The following GALNT17 variants were observed in gnomAD, a reference collection of about 807,000 sequenced individuals.
GALNT17 encodes the protein polypeptide N-acetylgalactosaminyltransferase 17.
GALNT17 carries 29 observed loss-of-function variants against 63.7 expected under a neutral mutation model. The observed-to-expected ratio is 0.46, with a 90% CI of 0.34 to 0.62. GALNT17 has a LOEUF of 0.62. Ranked by LOEUF, GALNT17 falls within the 20% of genes least tolerant of loss-of-function variation. The probability of loss-of-function intolerance (pLI) is 0.01; values close to 1 mark genes in which losing one functional copy is unlikely to be tolerated. For synonymous variants in GALNT17, 305 were observed against 318.3 expected (o/e 0.96, Z 0.45); for missense variants, 603 against 799.6 (o/e 0.75, Z 2.97).
At chr7:71,627,588 C>T (rs1387719349) in intron 6 of GALNT17, among the ~76,000 whole-genome samples, 1 of 152,156 alleles carries the variant, frequency 6.6e-6, no homozygotes, top group Non-Finnish European at 1.5e-5. Context: ...ACGGCCTCCC[C>T]CTCCTTTTCA....
intron 5 of GALNT17, among the ~76,000 whole-genome samples, chr7:71,487,829 C>T (rs543104477): frequency 7.2e-5 from 11 of 152,172 alleles, no homozygotes; most frequent in African/African-American, 2.6e-4. Context: ...CAGGTACTGG[C>T]CTAGTTGTGA....
chr7:71,534,853 C>A (rs1356763711), intron 5 of GALNT17, among the ~76,000 whole-genome samples: 2 of 152,162 alleles, frequency 1.3e-5, no homozygotes, highest in Non-Finnish European at 2.9e-5. Flanking sequence ...TTGACTCTCA[C>A]AATCTCAGGC....
At chr7:71,538,388 C>A (rs182271272) in intron 5 of GALNT17, among the ~76,000 whole-genome samples, 2 of 152,258 alleles carry the variant, frequency 1.3e-5, no homozygotes, top group African/African-American at 4.8e-5. Flanking sequence ...CGCAACATCA[C>A]CCCCTGCACT....
chr7:71,531,054 T>C (rs556435484), intron 5 of GALNT17, among the ~76,000 whole-genome samples: 1 of 152,252 alleles, frequency 6.6e-6, no homozygotes, highest in East Asian at 1.9e-4. Context: ...ATCTTTATTT[T>C]AATTACTTTA....
At chr7:71,150,211 T>C (rs915230316) in intron 1 of GALNT17, among the ~76,000 whole-genome samples, 3 of 152,146 alleles carry the variant, frequency 2.0e-5, no homozygotes, top group Admixed American at 2.0e-4. Context: ...AAAGAACATG[T>C]TTTTTTCTTA....
Position 71,241,315 on chromosome 7 carries a change from C to T in GALNT17, c.239-94235C>T, listed in dbSNP as rs1789991681. Among the ~76,000 whole-genome samples the T allele has an allele frequency of 2.0e-5, 3 of 152,148 alleles. No homozygotes were observed. The South Asian group carries it at 6.2e-4, about 31-fold the overall frequency. On this transcript the variant is annotated intron_variant, in intron 1 of 10. Transcript: ENST00000333538. ...GATAAACATCAACTTCTGTTGTATC[C>T]TTCCCCCTTTGTGAAAAAGATTGCT...
rs6961596 is a variant in GALNT17, at chr7:71,450,785, G to C, written c.962+29680G>C. ...GGTCTTTTGTGAGTGGCTTCTTTCT[G>C]TTAGCATCATGCTTTCAAGGCGTGT... On this transcript the variant is annotated intron_variant, in intron 5 of 10. Coordinates refer to ENST00000333538, the MANE Select transcript of GALNT17 (RefSeq NM_022479.3). Among the ~76,000 whole-genome samples the C allele has an allele frequency of 6.7e-3, 1,015 of 152,220 alleles. 9 individuals are homozygous for C. The highest frequency in any genetic ancestry group is 0.023 in the African/African-American group (968 of 41,520).
chr7:71,273,321 A>G (rs1034838966), intron 1 of GALNT17, among the ~76,000 whole-genome samples: 2 of 152,220 alleles, frequency 1.3e-5, no homozygotes, highest in African/African-American at 2.4e-5. Flanking sequence ...ACAGTTGTTT[A>G]TATAGTTTGT....
intron 6 of GALNT17, among the ~76,000 whole-genome samples, chr7:71,622,101 G>T (rs1790303009): frequency 6.6e-6 from 1 of 152,206 alleles, no homozygotes; most frequent in South Asian, 2.1e-4. Flanking sequence ...GAAGAGGTCA[G>T]TGGGCAGGAC....
chr7:71,561,308 A>G (rs1167613394), intron 5 of GALNT17, among the ~76,000 whole-genome samples: 1 of 151,970 alleles, frequency 6.6e-6, no homozygotes, highest in Non-Finnish European at 1.5e-5. Context: ...CACTGCACCC[A>G]GCCTGAAATG....
At chr7:71,426,502 A>G (rs933760599) in intron 5 of GALNT17, among the ~76,000 whole-genome samples, 11 of 152,210 alleles carry the variant, frequency 7.2e-5, no homozygotes, top group African/African-American at 2.4e-4. Context: ...TTATAAAGGA[A>G]AGAGGTTTCA....
At position 71,712,348 on chromosome 7, in the gene GALNT17, CA is replaced by C. The variant is rs1216498356; in HGVS notation, c.*203del. ...CATTCAGCTGCCCACAAGTTTCCTG[CA>C]CCCTGGAAAAGCCCCCCACCCTTCC... On this transcript the variant is annotated 3_prime_UTR_variant, in exon 11 of 11. Coordinates refer to ENST00000333538, the MANE Select transcript of GALNT17 (RefSeq NM_022479.3). 1 of 529,596 alleles carries C rather than the reference CA, an allele frequency of 1.9e-6. No homozygotes were observed. The highest frequency in any genetic ancestry group is 1.9e-5 in the African/African-American group (1 of 51,340). The allele number at this position is 529,596 out of a possible 1,614,324, so 32.8% of individuals were successfully genotyped here. A position where few individuals can be genotyped will look rare whatever the true frequency, so the allele number is the denominator to read the frequency against.
intron 6 of GALNT17, among the ~76,000 whole-genome samples, chr7:71,611,931 G>A (rs540617569): frequency 7.9e-5 from 12 of 152,204 alleles, no homozygotes; most frequent in African/African-American, 2.9e-4. Context: ...AATCTCCAAT[G>A]AGAAGCACAG....
chr7:71,599,163 C>T (rs1306059791), intron 6 of GALNT17, among the ~76,000 whole-genome samples: 1 of 152,032 alleles, frequency 6.6e-6, no homozygotes, highest in Non-Finnish European at 1.5e-5. Context: ...GGAACTTTAT[C>T]TCAACTTTAA....
At chr7:71,476,711 G>C (rs963689478) in intron 5 of GALNT17, among the ~76,000 whole-genome samples, 3 of 152,108 alleles carry the variant, frequency 2.0e-5, no homozygotes, top group South Asian at 2.1e-4. Flanking sequence ...AGTTGGTAGA[G>C]AGCAGGACTG....
intron 2 of GALNT17, among the ~76,000 whole-genome samples, chr7:71,353,918 T>C (rs1792232954): frequency 6.6e-6 from 1 of 152,160 alleles, no homozygotes; most frequent in Non-Finnish European, 1.5e-5. Flanking sequence ...GATGCTGGCA[T>C]CTGCTGGGCC....
intron 6 of GALNT17, among the ~76,000 whole-genome samples, chr7:71,585,109 T>A (rs1473748592): frequency 6.6e-6 from 1 of 152,224 alleles, no homozygotes; most frequent in East Asian, 1.9e-4. Flanking sequence ...TGTAATTAGA[T>A]CTACAAGGTT....
intron 5 of GALNT17, among the ~76,000 whole-genome samples, chr7:71,489,674 T>G (rs1787974320): frequency 6.6e-6 from 1 of 152,176 alleles, no homozygotes; most frequent in Non-Finnish European, 1.5e-5. Context: ...ACTAGAGGCT[T>G]ACATACAGGG....
intron 1 of GALNT17, among the ~76,000 whole-genome samples, chr7:71,205,097 C>T (rs59416996): frequency 0.13 from 19,216 of 145,260 alleles, 1,505 homozygotes; most frequent in African/African-American, 0.21. Flanking sequence ...CTTTTGTTTT[C>T]TTGGTTAAAT....
Sources: allele counts gnomAD v4.1 joint callset (sites outside exome capture counted in the v4.1 genomes callset), GRCh38; gene constraint gnomAD v4.1.1; transcripts MANE v1.5; gene names NCBI Gene and HGNC (gene_info 2026-07-23, HGNC 2026-07-21).